Variants in EIF3B observed in about 807,000 individuals in gnomAD.
EIF3B encodes the protein eukaryotic translation initiation factor 3 subunit 9.
Under a neutral mutation model 104.6 loss-of-function variants are expected in EIF3B, and 10 were observed. That is an observed-to-expected ratio of 0.10 (90% CI 0.06 to 0.16). EIF3B has a LOEUF of 0.16. Among genes scored for constraint, EIF3B ranks in the 10% least tolerant of loss-of-function variants. EIF3B has a pLI of 1.00. For missense variants in EIF3B, 1,014 were observed against 1,087.9 expected, an observed-to-expected ratio of 0.93 and a Z score of 0.96; for synonymous variants, 542 against 417.2, an observed-to-expected ratio of 1.30 and a Z score of -3.65.
At chr7:2,372,232 G>A (rs964416401) in intron 11 of EIF3B, 2 of 238,090 alleles carry the variant, frequency 8.4e-6, no homozygotes, top group Non-Finnish European at 1.7e-5. Flanking sequence ...GATTGAGCCT[G>A]TGTTCTTGTT....
rs113167375 is a variant in EIF3B, at chr7:2,378,644, G to C, written c.2155-45G>C. 5.7e-5 allele frequency: 88 copies of C among 1,557,130 alleles called. 1 individual carries two copies. The highest frequency in any genetic ancestry group is 4.2e-4 in the African/African-American group (31 of 73,900). ...AACTCTGAAGATTGCATTTGTGCTT[G>C]TTGCTTTGAATGTTAAATCCTGAGT... is the stretch of plus-strand genomic sequence containing the variant. On this transcript the variant is annotated intron_variant, in intron 15 of 18. Coordinates refer to ENST00000360876, the MANE Select transcript of EIF3B (RefSeq NM_001037283.2).
Position 2,362,632 on chromosome 7 carries a change from C to A in EIF3B, c.693-13C>A, listed in dbSNP as rs1433699109. The A allele has an allele frequency of 6.2e-7, 1 of 1,614,114 alleles. No individual in the cohort carries two copies. The highest frequency in any genetic ancestry group is 8.5e-7 in the Non-Finnish European group (1 of 1,180,014). On this transcript the variant is annotated splice_polypyrimidine_tract_variant and intron_variant, in intron 2 of 18. Coordinates refer to ENST00000360876, the MANE Select transcript of EIF3B (RefSeq NM_001037283.2). ...ACAGTGTGGGTATGTGCCAACGGCCCTCTCTCACTCAGGTATATTTTCCTG... is the reference window on the plus strand; with the variant it reads ...ACAGTGTGGGTATGTGCCAACGGCCATCTCTCACTCAGGTATATTTTCCTG...
intron 12 of EIF3B, 62 bp downstream of exon 12, chr7:2,372,857 G>C: frequency 1.3e-6 from 2 of 1,571,892 alleles, no homozygotes; most frequent in South Asian, 1.2e-5. Flanking sequence ...CCCAGTCGCT[G>C]CCCAACAGTG....
chr7:2,378,065 T>A (rs1336205517), intron 15 of EIF3B: 1 of 38,526 alleles, frequency 2.6e-5, no homozygotes, highest in East Asian at 1.6e-3. Flanking sequence ...GCACGAGCGC[T>A]CCTGGGATGC....
At position 2,375,375 on chromosome 7, in the gene EIF3B, G is replaced by A. The variant is rs1316715244; in HGVS notation, c.1890-14G>A. On this transcript the variant is annotated splice_polypyrimidine_tract_variant and intron_variant, in intron 13 of 18. Transcript: ENST00000360876. Reference sequence around the variant, plus strand: ...CGTCTCCATGAAGCCTGACGGTCCTGTCTGTCTTTGCAGTATGAACGGTGC... The same window carrying A: ...CGTCTCCATGAAGCCTGACGGTCCTATCTGTCTTTGCAGTATGAACGGTGC... The A allele has an allele frequency of 1.9e-6, 3 of 1,613,700 alleles. No individual in the cohort carries two copies. Among genetic ancestry groups the A allele is most frequent in the African/African-American group, 2.7e-5 (2 of 74,946 alleles).
intron 6 of EIF3B, among the ~76,000 whole-genome samples, 198 bp from the exon 7 acceptor site, chr7:2,366,119 G>A (rs1780013563): frequency 6.6e-6 from 1 of 152,058 alleles, no homozygotes; most frequent in Admixed American, 6.6e-5. Context: ...AGAAACCGGA[G>A]CGCCTGCAGC....
chr7:2,356,038 C>A (rs1235837946), intron 1 of EIF3B, among the ~76,000 whole-genome samples: 2 of 152,194 alleles, frequency 1.3e-5, no homozygotes, highest in African/African-American at 4.8e-5. Flanking sequence ...GCTTTGCCTT[C>A]ATCTCAACCT....
intron 6 of EIF3B, among the ~76,000 whole-genome samples, chr7:2,365,045 C>A (rs1779931913): frequency 6.6e-6 from 1 of 152,250 alleles, no homozygotes; most frequent in African/African-American, 2.4e-5. Flanking sequence ...CCCAGCCTCC[C>A]AGGTCAAGCG....
At chr7:2,375,256 T>C (rs1346675077) in intron 13 of EIF3B, 133 bp from the exon 14 acceptor site, 9 of 1,101,040 alleles carry the variant, frequency 8.2e-6, no homozygotes, top group African/African-American at 1.5e-5. Context: ...CACCAGAGGC[T>C]GTTGCTGTGC....
rs757106450 is a variant in EIF3B, at chr7:2,372,676, C to T, written c.1691C>T (p.Thr564Ile). The change falls in exon 12 of 19, where the codon ACC (threonine) becomes ATC (isoleucine). Residue 564 changes from threonine to isoleucine, a missense_variant. Coordinates refer to ENST00000360876, the MANE Select transcript of EIF3B (RefSeq NM_001037283.2). ...VPVDVVEMKE[T>I]IIAFAWEPNG... is the part of the protein sequence containing the mutation. The stretch of plus-strand genomic sequence containing the variant: ...GGGTCTGTTTTGTGCATTTTAGAAA[C>T]CATCATAGCCTTTGCCTGGGAACCA... The T allele has an allele frequency of 1.2e-6, 2 of 1,613,384 alleles. No homozygotes were observed. Among genetic ancestry groups the T allele is most frequent in the African/African-American group, 1.3e-5 (1 of 75,020 alleles).
At chr7:2,376,137 G>A (rs1309769799) in intron 14 of EIF3B, 1 of 154,228 alleles carries the variant, frequency 6.5e-6, no homozygotes, top group Non-Finnish European at 1.4e-5. Flanking sequence ...ATCAGGATAT[G>A]TTGATCACAG....
intron 6 of EIF3B, among the ~76,000 whole-genome samples, chr7:2,364,989 C>G (rs1047905341): frequency 3.9e-5 from 6 of 152,210 alleles, no homozygotes; most frequent in Non-Finnish European, 4.4e-5. Flanking sequence ...CCTCTATCAC[C>G]CAGGCTTGGC....
intron 8 of EIF3B, 35 bp downstream of exon 8, chr7:2,366,626 G>A (rs374733150): frequency 4.1e-5 from 66 of 1,611,458 alleles, no homozygotes; most frequent in Non-Finnish European, 5.1e-5. Context: ...CGCCCCGTCC[G>A]GTCCTTGCTT....
At chr7:2,357,228 G>A (rs1384056103) in intron 1 of EIF3B, among the ~76,000 whole-genome samples, 1 of 152,122 alleles carries the variant, frequency 6.6e-6, no homozygotes, top group African/African-American at 2.4e-5. Flanking sequence ...CTAATATGAC[G>A]ACAGGGTTGG....
chr7:2,373,701 T>A (rs1583175868), intron 12 of EIF3B: 2 of 151,900 alleles, frequency 1.3e-5, no homozygotes, highest in African/African-American at 4.8e-5. Context: ...CTTGTGTAAG[T>A]CTTCTAGGTC....
rs9690787 is a variant in EIF3B at position 2,355,111 on chromosome 7, T to C, written c.190T>C (p.Ser64Pro). Residue 64 changes from serine (S) to proline (P), a missense_variant, in exon 1 of 19, where the codon TCC becomes CCC. Physicochemically the swap from Ser to Pro is moderately conservative, Grantham distance 74. Transcript: ENST00000360876. ...EVGIAEAGPE[S>P]EVRTEPAAEA... ...GGGGATCGCGGAGGCCGGGCCGGAG[T>C]CCGAGGTGAGGACCGAGCCGGCGGC... The C allele has an allele frequency of 0.78, 1,071,105 of 1,369,888 alleles. 419,783 individuals are homozygous for C. Among genetic ancestry groups the C allele is most frequent in the East Asian group, 0.83 (26,816 of 32,184 alleles). 84.9% of individuals were successfully genotyped at this position (1,369,888 alleles called of 1,614,324 possible).
chr7:2,364,448 T>A lies in EIF3B; in HGVS notation c.1076T>A (p.Leu359Gln), dbSNP rs750621099. The change falls in exon 6 of 19, where the codon CTA (leucine) becomes CAA (glutamine). Residue 359 changes from leucine (L) to glutamine (Q), a missense_variant. Physicochemically the swap from Leu to Gln is moderately radical, Grantham distance 113. Coordinates refer to ENST00000360876, the MANE Select transcript of EIF3B (RefSeq NM_001037283.2). ...LATFHQRGIALWGGEKFKQIQ... is the reference protein window; with the variant it reads ...LATFHQRGIAQWGGEKFKQIQ... ...ACCTTTCATCAAAGAGGCATTGCTC[T>A]ATGGGGGGGAGAGAAATTCAAGCAA... The A allele has an allele frequency of 3.7e-6, 6 of 1,613,424 alleles. No individual in the cohort carries two copies. The Admixed American group carries it at 5.0e-5, about 13-fold the overall frequency.
Position 2,367,019 on chromosome 7 carries a change from G to C in EIF3B, c.1377G>C (p.Lys459Asn). Residue 459 changes from lysine (K) to asparagine (N), a missense_variant, in exon 9 of 19, where the codon AAG (lysine) becomes AAC (asparagine). This residue lies in a region of EIF3B where 201 missense variants were observed against 240.7 expected (regional missense o/e 0.83). Transcript: ENST00000360876. ...YETPSMGLLD[K>N]KSLKISGIKD... ...GGCAGTCTATGGGTCTTTTGGACAA[G>C]AAGAGTTTGAAGATCTCTGGGATAA... 6.2e-7 allele frequency: 1 copy of C among 1,612,518 alleles called. No individual in the cohort carries two copies. The highest frequency in any genetic ancestry group is 8.5e-7 in the Non-Finnish European group (1 of 1,179,768).
At chr7:2,364,043 C>T (rs1583159599) in intron 5 of EIF3B, among the ~76,000 whole-genome samples, 1 of 152,146 alleles carries the variant, frequency 6.6e-6, no homozygotes, top group Non-Finnish European at 1.5e-5. Context: ...GGGTGGATCA[C>T]GAGGTCAGGA....
Sources: allele counts gnomAD v4.1 joint callset (sites outside exome capture counted in the v4.1 genomes callset), GRCh38; gene constraint gnomAD v4.1.1; regional missense constraint gnomAD v4.1.1; transcripts MANE v1.5; gene names NCBI Gene and HGNC (gene_info 2026-07-23, HGNC 2026-07-21).